Variants in DRC11 observed in about 807,000 individuals in gnomAD.
The protein encoded by DRC11 is IQ and AAA domain-containing protein 1.
chr2:236,460,987 C>A, the DRC11 span, among the ~76,000 whole-genome samples: 1 of 152,148 alleles, frequency 6.6e-6, no homozygotes, highest in Non-Finnish European at 1.5e-5. This position sits in a 1 kb window ranked among gnomAD's most constrained non-coding sequence, Gnocchi z 4.0. Flanking sequence ...AACTCCTGAC[C>A]TCAGGTGATC....
At chr2:236,335,168 G>T in the DRC11 span, among the ~76,000 whole-genome samples, 1 of 152,202 alleles carries the variant, frequency 6.6e-6, no homozygotes, top group Non-Finnish European at 1.5e-5. This position sits in a 1 kb window ranked among gnomAD's most constrained non-coding sequence, Gnocchi z 5.6. Flanking sequence ...CTCCATTGCG[G>T]GTGGAGAGAC....
chr2:236,381,034 T>G, the DRC11 span, among the ~76,000 whole-genome samples: 2 of 152,148 alleles, frequency 1.3e-5, no homozygotes, highest in African/African-American at 4.8e-5. The surrounding 1 kb of genome is among the most constrained non-coding windows in gnomAD (Gnocchi z 5.8). Context: ...CCAAAACTCA[T>G]GAGTTGAAGC....
chr2:236,363,921 C>T, the DRC11 span: 102 of 1,613,886 alleles, frequency 6.3e-5, no homozygotes, highest in African/African-American at 2.1e-4. This position sits in a 1 kb window ranked among gnomAD's most constrained non-coding sequence, Gnocchi z 5.6. Flanking sequence ...CTACCCCAGA[C>T]GGCCCGGCTA....
the DRC11 span, among the ~76,000 whole-genome samples, chr2:236,396,209 C>T: frequency 7.0e-6 from 1 of 143,788 alleles, no homozygotes; most frequent in African/African-American, 2.6e-5. Context: ...AACTGCCCCA[C>T]TCTCTCCTAG....
At chr2:236,468,337 C>T in the DRC11 span, among the ~76,000 whole-genome samples, 1 of 152,168 alleles carries the variant, frequency 6.6e-6, no homozygotes, top group Non-Finnish European at 1.5e-5. Flanking sequence ...GGCAACTCGC[C>T]TGTCTCTGCC....
the DRC11 span, among the ~76,000 whole-genome samples, chr2:236,330,969 T>C: frequency 6.6e-6 from 1 of 152,222 alleles, no homozygotes; most frequent in Non-Finnish European, 1.5e-5. The surrounding 1 kb of genome is among the most constrained non-coding windows in gnomAD (Gnocchi z 5.5). Flanking sequence ...AAGTGTTCCA[T>C]GACAATTGTG....
the DRC11 span, among the ~76,000 whole-genome samples, chr2:236,479,815 T>G: frequency 6.6e-6 from 1 of 152,190 alleles, no homozygotes; most frequent in Non-Finnish European, 1.5e-5. This position sits in a 1 kb window ranked among gnomAD's most constrained non-coding sequence, Gnocchi z 4.1. Flanking sequence ...TATGCTTACT[T>G]TTATCAGTGG....
At chr2:236,459,528 T>TGTATACGTATAC in the DRC11 span, among the ~76,000 whole-genome samples, 313 of 95,944 alleles carry the variant, frequency 3.3e-3, 4 homozygotes, top group African/African-American at 0.012. Context: ...CATGTATACA[T>TGTATACGTATAC]GTATACGTAT....
At chr2:236,486,925 G>C in the DRC11 span, 29 of 1,541,050 alleles carry the variant, frequency 1.9e-5, no homozygotes, top group Non-Finnish European at 2.6e-5. This position sits in a 1 kb window ranked among gnomAD's most constrained non-coding sequence, Gnocchi z 5.7. Context: ...ATGGTTACTT[G>C]TTTAATACAT....
the DRC11 span, among the ~76,000 whole-genome samples, chr2:236,435,846 T>C: frequency 6.6e-6 from 1 of 152,186 alleles, no homozygotes; most frequent in Non-Finnish European, 1.5e-5. Context: ...TTACTGTTTG[T>C]CCTTTTACAA....
the DRC11 span, among the ~76,000 whole-genome samples, chr2:236,330,815 G>T: frequency 1.3e-5 from 2 of 152,218 alleles, no homozygotes; most frequent in Non-Finnish European, 2.9e-5. This position sits in a 1 kb window ranked among gnomAD's most constrained non-coding sequence, Gnocchi z 5.5. Flanking sequence ...ATAAGAGAGG[G>T]TGTTGGGAGA....
At chr2:236,380,206 G>A in the DRC11 span, among the ~76,000 whole-genome samples, 1 of 152,172 alleles carries the variant, frequency 6.6e-6, no homozygotes, top group African/African-American at 2.4e-5. This position sits in a 1 kb window ranked among gnomAD's most constrained non-coding sequence, Gnocchi z 4.9. Flanking sequence ...CAGGAGCAAC[G>A]GCCTCAGCAG....
the DRC11 span, among the ~76,000 whole-genome samples, chr2:236,476,881 T>C: frequency 6.6e-6 from 1 of 152,176 alleles, no homozygotes; most frequent in Admixed American, 6.6e-5. This position sits in a 1 kb window ranked among gnomAD's most constrained non-coding sequence, Gnocchi z 4.7. Flanking sequence ...TAGCTATTTT[T>C]CTTGATGCTC....
At chr2:236,461,663 C>T in the DRC11 span, among the ~76,000 whole-genome samples, 3 of 152,180 alleles carry the variant, frequency 2.0e-5, no homozygotes, top group Non-Finnish European at 2.9e-5. The surrounding 1 kb of genome is among the most constrained non-coding windows in gnomAD (Gnocchi z 4.0). Context: ...GTGGCCCACA[C>T]TTTGAGGTCT....
At chr2:236,355,745 C>CTCTCTCTG in the DRC11 span, among the ~76,000 whole-genome samples, 3 of 107,900 alleles carry the variant, frequency 2.8e-5, no homozygotes, top group South Asian at 8.3e-4. Context: ...CTCTCTCTCT[C>CTCTCTCTG]TCTCTGTGTG....
chr2:236,357,054 CTATTTATA>C, the DRC11 span, among the ~76,000 whole-genome samples: 8 of 77,946 alleles, frequency 1.0e-4, no homozygotes, highest in African/African-American at 2.0e-4. Context: ...TATTATATAT[CTATTTATA>C]TATTCATATA....
the DRC11 span, chr2:236,465,650 G>C: frequency 1.2e-6 from 2 of 1,613,468 alleles, no homozygotes; most frequent in Admixed American, 1.7e-5. This position sits in a 1 kb window ranked among gnomAD's most constrained non-coding sequence, Gnocchi z 6.2. Flanking sequence ...TTCCGCAGGC[G>C]GTCCACCTTT....
chr2:236,459,632 T>TATATACGTATATACGTATATAC, the DRC11 span, among the ~76,000 whole-genome samples: 1 of 139,590 alleles, frequency 7.2e-6, no homozygotes, highest in African/African-American at 2.8e-5. Flanking sequence ...TACATACGTA[T>TATATACGTATATACGTATATAC]ATACGTATAT....
the DRC11 span, among the ~76,000 whole-genome samples, chr2:236,418,153 G>A: frequency 1.3e-5 from 2 of 152,190 alleles, no homozygotes; most frequent in Admixed American, 1.3e-4. Flanking sequence ...TCGCCACACT[G>A]TCTTCCACAA....
Sources: gnomAD v4.1 joint callset for allele counts (sites outside exome capture counted in the v4.1 genomes callset) on GRCh38, gnomAD v4.1.1 for gene constraint, Gnocchi (gnomAD v3.1) non-coding constraint, MANE v1.5 for transcripts, NCBI Gene and HGNC (gene_info 2026-07-23, HGNC 2026-07-21) for gene names.